The following EPAS1 variants were observed in gnomAD, a reference collection of about 807,000 sequenced individuals.
The protein encoded by EPAS1 is endothelial PAS domain protein 1.
Under a neutral mutation model 87.9 loss-of-function variants are expected in EPAS1, and 23 were observed. The ratio of observed to expected loss-of-function variants is 0.26; its 90% CI spans 0.19 to 0.37. The LOEUF is 0.37. EPAS1 is among the 10% of genes least tolerant of loss of function. EPAS1 has a pLI of 1.00. For missense variants in EPAS1, 1,138 were observed against 1,120.7 expected, an observed-to-expected ratio of 1.02 and a Z score of -0.22; for synonymous variants, 508 against 444.3, an observed-to-expected ratio of 1.14 and a Z score of -1.80.
intron 1 of EPAS1, among the ~76,000 whole-genome samples, chr2:46,344,852 C>A (rs1026922498): frequency 1.3e-5 from 2 of 152,168 alleles, no homozygotes; most frequent in African/African-American, 4.8e-5. Context: ...TCCTTTAATC[C>A]GAGTATATGA....
At chr2:46,319,850 C>T (rs140321902) in intron 1 of EPAS1, among the ~76,000 whole-genome samples, 13 of 152,304 alleles carry the variant, frequency 8.5e-5, no homozygotes, top group Admixed American at 5.9e-4. Flanking sequence ...CAAGACAAAT[C>T]GTTTCCTAAA....
In EPAS1 at chr2:46,384,742, A is replaced by G; in HGVS notation, c.*82A>G. On this transcript the variant is annotated 3_prime_UTR_variant, in exon 16 of 16. Coordinates refer to ENST00000263734, the MANE Select transcript of EPAS1 (RefSeq NM_001430.5). Reference sequence around the variant, plus strand: ...TCTCCGTCTGTTTTTGCAACTAGGTATTTCTAACGCCAGCACACTATTTAC... The same window carrying G: ...TCTCCGTCTGTTTTTGCAACTAGGTGTTTCTAACGCCAGCACACTATTTAC... The G allele has an allele frequency of 1.3e-6, 2 of 1,538,038 alleles. No homozygotes were observed. The highest frequency in any genetic ancestry group is 1.8e-6 in the Non-Finnish European group (2 of 1,137,864).
In EPAS1 at chr2:46,371,503, C is replaced by T. The variant is rs774270189; in HGVS notation, c.886+1570C>T. ...CACACAGACACACACACACAAACAACCTAGATTCAGCCCCACTCAGGAACC... is the reference window on the plus strand; with the variant it reads ...CACACAGACACACACACACAAACAATCTAGATTCAGCCCCACTCAGGAACC... On this transcript the variant is annotated intron_variant, in intron 7 of 15. Transcript: ENST00000263734. The surrounding 1 kb of genome is among the most constrained non-coding windows in gnomAD (Gnocchi z 4.3). 7.9e-5 allele frequency among the ~76,000 whole-genome samples: 12 copies of T among 152,094 alleles called. No individual in the cohort carries two copies. Among genetic ancestry groups the T allele is most frequent in the Non-Finnish European group, 1.6e-4 (11 of 68,030 alleles).
chr2:46,382,625 C>A, intron 15 of EPAS1, 27 bp downstream of exon 15: 1 of 1,613,702 alleles, frequency 6.2e-7, no homozygotes, highest in Non-Finnish European at 8.5e-7. Flanking sequence ...TCTGTCACCC[C>A]CATCCCAGGA....
intron 1 of EPAS1, among the ~76,000 whole-genome samples, chr2:46,314,533 G>C (rs892890743): frequency 6.6e-6 from 1 of 152,232 alleles, no homozygotes; most frequent in African/African-American, 2.4e-5. Context: ...GTGCCAATCA[G>C]CTGGATGATC....
intron 1 of EPAS1, among the ~76,000 whole-genome samples, chr2:46,327,801 G>A (rs1212203793): frequency 6.6e-6 from 1 of 152,192 alleles, no homozygotes; most frequent in Non-Finnish European, 1.5e-5. Flanking sequence ...TTGAACAGCT[G>A]TGGGCACCCT....
In EPAS1 at chr2:46,356,283, A is replaced by G; in HGVS notation, c.350A>G (p.Lys117Arg). 6.2e-7 allele frequency: 1 copy of G among 1,614,170 alleles called. No homozygotes were observed. Among genetic ancestry groups the G allele is most frequent in the Non-Finnish European group, 8.5e-7 (1 of 1,180,028 alleles). The change falls in exon 3 of 16, where the codon AAG (lysine) becomes AGG (arginine). Residue 117 changes from lysine (K) to arginine (R), a missense_variant. Physicochemically the swap from Lys to Arg is conservative, Grantham distance 26. Coordinates refer to ENST00000263734, the MANE Select transcript of EPAS1 (RefSeq NM_001430.5). ...ATCTTTCTGTCAGAAAACATCAGCA[A>G]GTTCATGGGACTTACACAGGTGACA... is the stretch of plus-strand genomic sequence containing the variant. Reference protein sequence around the residue: ...DMIFLSENISKFMGLTQVELT... With the variant: ...DMIFLSENISRFMGLTQVELT...
In EPAS1 at chr2:46,300,385, G is replaced by A. The variant is rs1244858295; in HGVS notation, c.26+2448G>A. ...TATGGGCAGAACATTTGGAATATTC[G>A]TTCTAACAATGGCCCGTCAAGAAGT... On this transcript the variant is annotated intron_variant, in intron 1 of 15. Coordinates refer to ENST00000263734, the MANE Select transcript of EPAS1 (RefSeq NM_001430.5). This position sits in a 1 kb window ranked among gnomAD's most constrained non-coding sequence, Gnocchi z 4.1. Among the ~76,000 whole-genome samples, 1 of 152,170 alleles carries A rather than the reference G, an allele frequency of 6.6e-6. No homozygotes were observed. The highest frequency in any genetic ancestry group is 2.4e-5 in the African/African-American group (1 of 41,426).
rs191125369 is a variant in EPAS1, at chr2:46,318,082, C to T, written c.26+20145C>T. Among the ~76,000 whole-genome samples, 26 of 152,138 alleles carry T rather than the reference C, an allele frequency of 1.7e-4. No individual in the cohort carries two copies. In the East Asian group the frequency reaches 2.3e-3, roughly 14 times the overall value. On this transcript the variant is annotated intron_variant, in intron 1 of 15. Coordinates refer to ENST00000263734, the MANE Select transcript of EPAS1 (RefSeq NM_001430.5). ...GAGAGATGTGACTCTTCCTTTCATTCGAACACATAGAGCCCATTGTAGAGT... is the reference window on the plus strand; with the variant it reads ...GAGAGATGTGACTCTTCCTTTCATTTGAACACATAGAGCCCATTGTAGAGT...
At chr2:46,376,462 G>C in intron 8 of EPAS1, 77 bp from the exon 9 acceptor site, 7 of 1,420,642 alleles carry the variant, frequency 4.9e-6, no homozygotes, top group Non-Finnish European at 7.0e-6. Flanking sequence ...TTAGCTATGA[G>C]GGTTTCCATG....
chr2:46,353,861 T>C (rs1020476438), intron 2 of EPAS1, among the ~76,000 whole-genome samples: 1 of 152,230 alleles, frequency 6.6e-6, no homozygotes, highest in African/African-American at 2.4e-5. Flanking sequence ...ATTTCCCTTG[T>C]TTCACCATTT....
In EPAS1 at chr2:46,376,558, G is replaced by A. The variant is rs753663085; in HGVS notation, c.1054G>A (p.Val352Met). 9.3e-6 allele frequency: 15 copies of A among 1,613,980 alleles called. No homozygotes were observed. The highest frequency in any genetic ancestry group is 6.7e-5 in the African/African-American group (5 of 74,888). ...CATTAGTGAGATTGAGAAGAATGAC[G>A]TGGTGTTCTCCATGGACCAGACTGA... ...YVLSEIEKND[V>M]VFSMDQTESL... Residue 352 changes from valine (V) to methionine (M), a missense_variant, in exon 9 of 16, where the codon GTG becomes ATG. Coordinates refer to ENST00000263734, the MANE Select transcript of EPAS1 (RefSeq NM_001430.5).
intron 1 of EPAS1, among the ~76,000 whole-genome samples, chr2:46,303,949 G>T (rs1239396722): frequency 6.6e-6 from 1 of 152,206 alleles, no homozygotes; most frequent in Non-Finnish European, 1.5e-5. Context: ...TGGCTGGCGT[G>T]TCCGTCCACC....
At chr2:46,330,214 A>G (rs1355943120) in intron 1 of EPAS1, among the ~76,000 whole-genome samples, 1 of 152,216 alleles carries the variant, frequency 6.6e-6, no homozygotes, top group Non-Finnish European at 1.5e-5. Context: ...CCGTGATGGC[A>G]TGAGCTTCAC....
rs1167721840 is a variant in EPAS1, at chr2:46,375,300, GCTT to G, written c.887-384_887-382del. On this transcript the variant is annotated intron_variant, in intron 7 of 15. Coordinates refer to ENST00000263734, the MANE Select transcript of EPAS1 (RefSeq NM_001430.5). This position sits in a 1 kb window ranked among gnomAD's most constrained non-coding sequence, Gnocchi z 4.1. ...GGCGCTCCTTACCCAGTGTGAAGGG[GCTT>G]CTTCTCATTGAACCCCATGAAGAAA... Among the ~76,000 whole-genome samples the G allele has an allele frequency of 1.3e-5, 2 of 152,002 alleles. No homozygotes were observed. Among genetic ancestry groups the G allele is most frequent in the African/African-American group, 4.8e-5 (2 of 41,376 alleles).
intron 7 of EPAS1, among the ~76,000 whole-genome samples, chr2:46,374,185 A>T (rs1684684353): frequency 1.3e-5 from 2 of 152,374 alleles, no homozygotes; most frequent in South Asian, 4.1e-4. Flanking sequence ...AAACTGCACT[A>T]GTATGAAGAG....
rs943335383 is a variant in EPAS1 at position 46,371,862 on chromosome 2, A to C, written c.886+1929A>C. ...GCCAAGGCAAGAGACAAATGTAAAA[A>C]TTTCTGGGAATTCTTGGAGGACAGT... On this transcript the variant is annotated intron_variant, in intron 7 of 15. Transcript: ENST00000263734. The surrounding 1 kb of genome is among the most constrained non-coding windows in gnomAD (Gnocchi z 4.3). 4.6e-5 allele frequency among the ~76,000 whole-genome samples: 7 copies of C among 152,184 alleles called. No individual in the cohort carries two copies. Among genetic ancestry groups the C allele is most frequent in the African/African-American group, 1.4e-4 (6 of 41,434 alleles).
intron 1 of EPAS1, among the ~76,000 whole-genome samples, chr2:46,306,192 C>T (rs999920521): frequency 3.9e-5 from 6 of 152,030 alleles, no homozygotes; most frequent in African/African-American, 7.3e-5. Flanking sequence ...ATCTGTCTCT[C>T]GATGTTGTAT....
At chr2:46,322,005 C>A (rs996039088) in intron 1 of EPAS1, among the ~76,000 whole-genome samples, 1 of 152,078 alleles carries the variant, frequency 6.6e-6, no homozygotes, top group African/African-American at 2.4e-5. Flanking sequence ...CTGGATCTAT[C>A]CTGTATAATC....
Sources: allele counts gnomAD v4.1 joint callset (sites outside exome capture counted in the v4.1 genomes callset), GRCh38; gene constraint gnomAD v4.1.1; non-coding constraint Gnocchi (gnomAD v3.1); transcripts MANE v1.5; gene names NCBI Gene and HGNC (gene_info 2026-07-23, HGNC 2026-07-21).